The following RIMS1 variants were observed in gnomAD, a reference collection of about 807,000 sequenced individuals.
RIMS1 encodes regulating synaptic membrane exocytosis 1.
A neutral mutation model predicts 214.1 loss-of-function variants in RIMS1; 83 were observed. That is an observed-to-expected ratio of 0.39 (90% confidence interval 0.32 to 0.47). The LOEUF (loss-of-function observed/expected upper bound fraction) is 0.47, where lower values mean the gene tolerates loss of function less well. Ranked by LOEUF, RIMS1 falls within the 20% of genes least tolerant of loss-of-function variation. The pLI is 0.99. For synonymous variants in RIMS1, 793 were observed against 786.8 expected (o/e 1.01, Z -0.13); for missense variants, 2,050 against 2,161.8 (o/e 0.95, Z 1.03).
chr6:72,354,728 A>G (rs2097571933), intron 29 of RIMS1, among the ~76,000 whole-genome samples: 2 of 152,078 alleles, frequency 1.3e-5, no homozygotes. Context: ...TTCACCTTGT[A>G]TTTGTAAACC....
intron 6 of RIMS1, among the ~76,000 whole-genome samples, chr6:72,210,326 A>G (rs2053603053): frequency 6.6e-6 from 1 of 152,214 alleles, no homozygotes; most frequent in South Asian, 2.1e-4. Context: ...GCCAGTGCTA[A>G]CTTTAGCTAA....
At chr6:71,956,382 AATTGAT>A (rs1206076381) in intron 1 of RIMS1, among the ~76,000 whole-genome samples, 1 of 152,150 alleles carries the variant, frequency 6.6e-6, no homozygotes, top group Non-Finnish European at 1.5e-5. Context: ...ACCAAGAAAA[AATTGAT>A]ATTATTAACA....
At position 72,078,546 on chromosome 6, in the gene RIMS1, A is replaced by G. The variant is rs191934211; in HGVS notation, c.246-18403A>G. ...GCTGCAGCAGCCATGCCCAGAGCTT[A>G]CTATGCAGAGACTAGTGCCTATATC... On this transcript the variant is annotated intron_variant, in intron 2 of 33. Coordinates refer to ENST00000521978, the MANE Select transcript of RIMS1 (RefSeq NM_014989.7). Among the ~76,000 whole-genome samples the G allele has an allele frequency of 3.9e-5, 6 of 152,302 alleles. No individual in the cohort carries two copies. The East Asian group carries it at 1.2e-3, about 29-fold the overall frequency.
At chr6:71,954,845 A>AGC (rs1052457180) in intron 1 of RIMS1, among the ~76,000 whole-genome samples, 2 of 137,248 alleles carry the variant, frequency 1.5e-5, no homozygotes, top group African/African-American at 2.9e-5. Flanking sequence ...ACCACTCCTC[A>AGC]GCACACACAC....
chr6:71,893,574 G>T (rs1248893007), intron 1 of RIMS1, among the ~76,000 whole-genome samples: 1 of 152,066 alleles, frequency 6.6e-6, no homozygotes, highest in African/African-American at 2.4e-5. Context: ...TATTTGTCAG[G>T]TAGTTTTCTT....
At position 72,025,086 on chromosome 6, in the gene RIMS1, T is replaced by G. The variant is rs533749001; in HGVS notation, c.245+56023T>G. 4.3e-4 allele frequency among the ~76,000 whole-genome samples: 65 copies of G among 152,090 alleles called. 2 individuals carry two copies. The South Asian group carries it at 6.4e-3, about 15-fold the overall frequency. ...ACCCGGCTAATTTTTGTATTTTTAG[T>G]AGAGACAGGGTTTCACCATGTTGGC... On this transcript the variant is annotated intron_variant, in intron 2 of 33. Coordinates refer to ENST00000521978, the MANE Select transcript of RIMS1 (RefSeq NM_014989.7).
chr6:71,917,744 G>A (rs567907895), intron 1 of RIMS1, among the ~76,000 whole-genome samples: 4 of 152,270 alleles, frequency 2.6e-5, no homozygotes, highest in South Asian at 2.1e-4. Context: ...GGTGAGAGAC[G>A]GTTATAGCTT....
chr6:72,346,238 G>T (rs1193383040), intron 29 of RIMS1, among the ~76,000 whole-genome samples: 2 of 151,778 alleles, frequency 1.3e-5, no homozygotes, highest in Non-Finnish European at 2.9e-5. Context: ...ACAAGGGTAA[G>T]TAGATAAAGA....
chr6:72,333,390 A>C (rs1172276670), intron 28 of RIMS1, among the ~76,000 whole-genome samples: 1 of 151,894 alleles, frequency 6.6e-6, no homozygotes, highest in East Asian at 1.9e-4. Flanking sequence ...TTCCATGTTG[A>C]AATGGCATTG....
chr6:71,973,800 G>A (rs1048778634), intron 2 of RIMS1, among the ~76,000 whole-genome samples: 1 of 152,216 alleles, frequency 6.6e-6, no homozygotes, highest in East Asian at 1.9e-4. Flanking sequence ...GAAGCTGGGA[G>A]CTGTCTTAGA....
Position 72,390,683 on chromosome 6 carries a change from G to C in RIMS1, c.4452G>C (p.Gln1484His). 3 of 1,613,928 alleles carry C rather than the reference G, an allele frequency of 1.9e-6. No homozygotes were observed. The highest frequency in any genetic ancestry group is 2.5e-6 in the Non-Finnish European group (3 of 1,179,834). ...CTGAAATGAGAAAGATGGTAAGGCA[G>C]CCGAGCCGAGAGTCTACTGATGGCA... is the stretch of plus-strand genomic sequence containing the variant. ...MAAEMRKMVR[Q>H]PSRESTDGSI... The change falls in exon 30 of 34, where the codon CAG becomes CAC. Residue 1484 changes from glutamine (Q) to histidine (H), a missense_variant. By Grantham distance (24) the Gln-to-His change is conservative (BLOSUM62 0). This residue lies in a region of RIMS1 where 121 missense variants were observed against 187.3 expected (regional missense o/e 0.65). Transcript: ENST00000521978.
rs138155930 is a variant in RIMS1 at position 71,991,919 on chromosome 6, G to A, written c.245+22856G>A. On this transcript the variant is annotated intron_variant, in intron 2 of 33. Coordinates refer to ENST00000521978, the MANE Select transcript of RIMS1 (RefSeq NM_014989.7). Reference sequence around the variant, plus strand: ...TCTCTAATAAAAATACAAAAAGTTAGCCAGGCTTGTTGGCAGGTGCCTGTA... The same window carrying A: ...TCTCTAATAAAAATACAAAAAGTTAACCAGGCTTGTTGGCAGGTGCCTGTA... Among the ~76,000 whole-genome samples, 193 of 152,226 alleles carry A rather than the reference G, an allele frequency of 1.3e-3. 2 individuals are homozygous for A. Among genetic ancestry groups the A allele is most frequent in the African/African-American group, 4.4e-3 (182 of 41,534 alleles).
intron 4 of RIMS1, among the ~76,000 whole-genome samples, chr6:72,135,385 ACT>A (rs1437444174): frequency 6.6e-6 from 1 of 152,200 alleles, no homozygotes; most frequent in Non-Finnish European, 1.5e-5. Context: ...TATCATGCAT[ACT>A]GTCAAGAACA....
intron 8 of RIMS1, among the ~76,000 whole-genome samples, chr6:72,236,507 G>A (rs1015871215): frequency 2.0e-5 from 3 of 152,218 alleles, no homozygotes; most frequent in South Asian, 2.1e-4. Flanking sequence ...TTATCTTCAT[G>A]TAGAAATAAT....
chr6:72,085,352 TA>T (rs1834392264), intron 2 of RIMS1, among the ~76,000 whole-genome samples: 1 of 152,186 alleles, frequency 6.6e-6, no homozygotes, highest in Non-Finnish European at 1.5e-5. Flanking sequence ...TAAGCCTGTG[TA>T]CAAAACACTG....
chr6:71,941,583 C>T (rs1368150369), intron 1 of RIMS1, among the ~76,000 whole-genome samples: 1 of 152,130 alleles, frequency 6.6e-6, no homozygotes, highest in East Asian at 1.9e-4. Flanking sequence ...GTTCTCTCAT[C>T]CTTTCTTCTG....
At chr6:72,264,232 A>G (rs1348160456) in intron 19 of RIMS1, among the ~76,000 whole-genome samples, 1 of 152,074 alleles carries the variant, frequency 6.6e-6, no homozygotes, top group Non-Finnish European at 1.5e-5. Context: ...TAAATTATCA[A>G]AAAAAATATG....
chr6:72,379,826 C>T (rs914678010), intron 29 of RIMS1, among the ~76,000 whole-genome samples: 2 of 152,276 alleles, frequency 1.3e-5, no homozygotes, highest in East Asian at 3.9e-4. Context: ...GTACTTGAAT[C>T]CAGGCATTCT....
intron 23 of RIMS1, among the ~76,000 whole-genome samples, chr6:72,276,749 TGA>T (rs1359929541): frequency 2.6e-5 from 4 of 152,162 alleles, no homozygotes; most frequent in Non-Finnish European, 4.4e-5. Context: ...ACGTATAAAA[TGA>T]GAGATAAATT....
Sources: gnomAD v4.1 joint callset for allele counts (sites outside exome capture counted in the v4.1 genomes callset) on GRCh38, gnomAD v4.1.1 for gene constraint, gnomAD v4.1.1 regional missense constraint, MANE v1.5 for transcripts, NCBI Gene and HGNC (gene_info 2026-07-23, HGNC 2026-07-21) for gene names.